The following THADA variants were observed in gnomAD, a reference collection of about 807,000 sequenced individuals.
The protein encoded by THADA is tRNA (32-2'-O)-methyltransferase regulator THADA.
Under a neutral mutation model 219.8 loss-of-function variants are expected in THADA, and 213 were observed. The ratio of observed to expected loss-of-function variants is 0.97; its 90% CI spans 0.87 to 1.09. The LOEUF is 1.09. Among genes scored for constraint, THADA ranks in the 50% least tolerant of loss-of-function variants. The probability of loss-of-function intolerance (pLI) is 0.00; values close to 1 mark genes in which losing one functional copy is unlikely to be tolerated. For synonymous variants in THADA, 1,018 were observed against 828.9 expected, an observed-to-expected ratio of 1.23 and a Z score of -3.92; for missense variants, 2,956 against 2,311.3, an observed-to-expected ratio of 1.28 and a Z score of -5.72.
intron 36 of THADA, among the ~76,000 whole-genome samples, chr2:43,273,709 G>A (rs1490598634): frequency 6.6e-6 from 1 of 152,116 alleles, no homozygotes; most frequent in Non-Finnish European, 1.5e-5. Flanking sequence ...CCACAGGGCT[G>A]GGGCTTTGCT....
chr2:43,279,365 G>A (rs1328683745), intron 36 of THADA, among the ~76,000 whole-genome samples: 2 of 152,298 alleles, frequency 1.3e-5, no homozygotes, highest in Middle Eastern at 3.4e-3. Context: ...GGAACAAAAT[G>A]ATGGTTTTGT....
chr2:43,276,242 G>T (rs138636895), intron 36 of THADA, among the ~76,000 whole-genome samples: 125 of 152,286 alleles, frequency 8.2e-4, no homozygotes, highest in African/African-American at 2.5e-3. Context: ...GGGCAGAGAG[G>T]GTCCTGCAGC....
intron 26 of THADA, among the ~76,000 whole-genome samples, chr2:43,433,209 T>G (rs929480595): frequency 6.6e-6 from 1 of 151,528 alleles, no homozygotes; most frequent in African/African-American, 2.4e-5. Flanking sequence ...AGATTTTTTT[T>G]GGAAAAAAAA....
intron 29 of THADA, among the ~76,000 whole-genome samples, chr2:43,388,282 G>A (rs1672938214): frequency 6.6e-6 from 1 of 152,092 alleles, no homozygotes; most frequent in Non-Finnish European, 1.5e-5. Context: ...ACAAAAGCCT[G>A]ACAGTGTACC....
At chr2:43,500,763 G>A (rs1688849323) in intron 24 of THADA, among the ~76,000 whole-genome samples, 1 of 152,008 alleles carries the variant, frequency 6.6e-6, no homozygotes, top group Admixed American at 6.6e-5. Flanking sequence ...CTAAAAAATA[G>A]AAAGTTAAAA....
intron 36 of THADA, among the ~76,000 whole-genome samples, chr2:43,262,413 G>C (rs1040681210): frequency 8.6e-5 from 13 of 151,010 alleles, no homozygotes; most frequent in African/African-American, 3.2e-4. Context: ...CATGCCAGGA[G>C]AGTGAAGCAG....
intron 36 of THADA, among the ~76,000 whole-genome samples, chr2:43,271,717 C>T (rs544905999): frequency 1.3e-5 from 2 of 150,100 alleles, no homozygotes; most frequent in Admixed American, 6.7e-5. Flanking sequence ...TGGGTTCAAG[C>T]GATTCTCCTG....
chr2:43,277,760 A>G (rs1672887680), intron 36 of THADA, among the ~76,000 whole-genome samples: 1 of 152,250 alleles, frequency 6.6e-6, no homozygotes, highest in African/African-American at 2.4e-5. Flanking sequence ...CATTTAGTCA[A>G]CCACCGATTT....
At chr2:43,449,804 C>A (rs970005864) in intron 26 of THADA, among the ~76,000 whole-genome samples, 4 of 152,076 alleles carry the variant, frequency 2.6e-5, no homozygotes, top group Non-Finnish European at 5.9e-5. Flanking sequence ...TGCAAACGGT[C>A]CTGAATAAGA....
At chr2:43,492,306 C>T (rs1223275202) in intron 25 of THADA, 1 of 143,796 alleles carries the variant, frequency 7.0e-6, no homozygotes, top group Admixed American at 7.0e-5. Flanking sequence ...CAGTGAGACT[C>T]TGTCTCAAAA....
chr2:43,279,019 C>T (rs1267851632), intron 36 of THADA, among the ~76,000 whole-genome samples: 1 of 152,196 alleles, frequency 6.6e-6, no homozygotes, highest in Non-Finnish European at 1.5e-5. Context: ...CTAAAGCAGG[C>T]ACCCTCCCAG....
At chr2:43,362,372 G>A (rs939902102) in intron 29 of THADA, among the ~76,000 whole-genome samples, 2 of 152,186 alleles carry the variant, frequency 1.3e-5, no homozygotes, top group African/African-American at 2.4e-5. Context: ...TTTAATGACA[G>A]GCATACATTC....
intron 28 of THADA, among the ~76,000 whole-genome samples, chr2:43,406,895 G>A (rs1471933753): frequency 1.3e-5 from 2 of 152,194 alleles, no homozygotes; most frequent in Non-Finnish European, 2.9e-5. Context: ...TGCAGCATAT[G>A]CAGAATGAAT....
intron 3 of THADA, among the ~76,000 whole-genome samples, chr2:43,591,559 C>CA (rs528846481): frequency 9.8e-4 from 139 of 141,992 alleles, no homozygotes; most frequent in Non-Finnish European, 7.9e-4. Context: ...ACTTGCTTTC[C>CA]AAAAAAAAAA....
intron 18 of THADA, 101 bp from the exon 19 acceptor site, chr2:43,552,026 A>C: frequency 6.4e-7 from 1 of 1,553,858 alleles, no homozygotes; most frequent in Non-Finnish European, 8.7e-7. Flanking sequence ...AAAATTGTTC[A>C]ATACATAAAA....
chr2:43,578,745 TA>T (rs1700113863), intron 8 of THADA, 138 bp from the exon 9 acceptor site: 1 of 471,710 alleles, frequency 2.1e-6, no homozygotes, highest in Admixed American at 3.7e-5. Flanking sequence ...AGGTCTTACC[TA>T]AGTTATTTAA....
At chr2:43,538,400 T>A (rs775256842) in intron 21 of THADA, 3 of 152,176 alleles carry the variant, frequency 2.0e-5, no homozygotes, top group Non-Finnish European at 4.4e-5. Context: ...CATTATGTGA[T>A]TACAGTGAAG....
chr2:43,293,353 G>A, intron 31 of THADA, 140 bp from the exon 32 acceptor site: 1 of 943,900 alleles, frequency 1.1e-6, no homozygotes, highest in Admixed American at 2.9e-5. Context: ...TGTCATAAGT[G>A]AGTGGCCCTC....
intron 36 of THADA, among the ~76,000 whole-genome samples, chr2:43,261,869 T>G (rs1201819281): frequency 6.6e-6 from 1 of 152,150 alleles, no homozygotes; most frequent in Non-Finnish European, 1.5e-5. Context: ...ACTCTTGGCC[T>G]CAGGTGATCC....
Sources: allele counts gnomAD v4.1 joint callset (sites outside exome capture counted in the v4.1 genomes callset), GRCh38; gene constraint gnomAD v4.1.1; transcripts MANE v1.5; gene names NCBI Gene and HGNC (gene_info 2026-07-23, HGNC 2026-07-21).